ADGRL3: variants seen among roughly 807,000 people sequenced by gnomAD.
ADGRL3 encodes the protein adhesion G protein-coupled receptor L3.
Under a neutral mutation model 153.5 loss-of-function variants are expected in ADGRL3, and 62 were observed. The observed-to-expected ratio is 0.40, with a 90% CI of 0.33 to 0.50. The LOEUF is 0.50. Ranked by LOEUF, ADGRL3 falls within the 20% of genes least tolerant of loss-of-function variation. ADGRL3 has a pLI of 0.47. For synonymous variants in ADGRL3, 710 were observed against 672.5 expected, an observed-to-expected ratio of 1.06 and a Z score of -0.86; for missense variants, 1,641 against 1,859.4, an observed-to-expected ratio of 0.88 and a Z score of 2.16.
At chr4:61,601,462 G>A (rs1219537937) in intron 5 of ADGRL3, among the ~76,000 whole-genome samples, 2 of 152,132 alleles carry the variant, frequency 1.3e-5, no homozygotes, top group African/African-American at 4.8e-5. Context: ...TCTACTCAAT[G>A]AATTCAAACT....
chr4:61,983,703 T>G (rs1301126449), intron 19 of ADGRL3, 100 bp downstream of exon 19: 18 of 1,030,536 alleles, frequency 1.7e-5, no homozygotes, highest in African/African-American at 6.4e-5. Flanking sequence ...GTGAAGAAAC[T>G]GGGCAGCAAA....
At chr4:61,730,193 C>G (rs1388252818) in intron 6 of ADGRL3, among the ~76,000 whole-genome samples, 1 of 151,806 alleles carries the variant, frequency 6.6e-6, no homozygotes, top group Non-Finnish European at 1.5e-5. Flanking sequence ...GCATAGAAAG[C>G]ACAACTATTA....
chr4:61,584,949 TAAAC>T (rs1341083253), intron 4 of ADGRL3, among the ~76,000 whole-genome samples: 6 of 152,042 alleles, frequency 3.9e-5, no homozygotes, highest in African/African-American at 1.4e-4. Context: ...TTCTGAGTGA[TAAAC>T]AAAGAGTTTT....
chr4:61,447,251 C>A (rs1444040235), intron 2 of ADGRL3, among the ~76,000 whole-genome samples: 2 of 152,078 alleles, frequency 1.3e-5, no homozygotes, highest in Admixed American at 1.3e-4. Flanking sequence ...ATAGACATCC[C>A]TTTGTGTTAC....
At position 61,931,082 on chromosome 4, in the gene ADGRL3, A is replaced by C. The variant is rs180767738; in HGVS notation, c.2113-3758A>C. On this transcript the variant is annotated intron_variant, in intron 13 of 26. Coordinates refer to ENST00000683033, the MANE Select transcript of ADGRL3 (RefSeq NM_001387552.1). ...CTTCAGAAAGTTTAAATCATTTATG[A>C]TTATAAAGCTTCTAAGATGGACTTA... Among the ~76,000 whole-genome samples the C allele has an allele frequency of 2.7e-3, 404 of 152,272 alleles. 2 individuals are homozygous for C. The highest frequency in any genetic ancestry group is 0.013 in the South Asian group (65 of 4,830).
At chr4:61,793,781 C>CT (rs1234340738) in intron 8 of ADGRL3, among the ~76,000 whole-genome samples, 3 of 152,164 alleles carry the variant, frequency 2.0e-5, no homozygotes, top group East Asian at 3.9e-4. Context: ...ATCCCTATTG[C>CT]TTTTTTTATA....
chr4:62,042,113 G>A (rs921767825), intron 24 of ADGRL3, among the ~76,000 whole-genome samples: 3 of 151,864 alleles, frequency 2.0e-5, no homozygotes, highest in Non-Finnish European at 2.9e-5. Context: ...GCACACACAT[G>A]CACATATATA....
At chr4:61,459,641 T>C (rs1380109827) in intron 2 of ADGRL3, among the ~76,000 whole-genome samples, 3 of 152,170 alleles carry the variant, frequency 2.0e-5, no homozygotes, top group African/African-American at 7.2e-5. Flanking sequence ...TACTGTTTTC[T>C]ATAATGACTG....
At position 62,076,107 on chromosome 4, in the gene ADGRL3, G is replaced by A. The variant is rs1747040988; in HGVS notation, c.*5199G>A. On this transcript the variant is annotated 3_prime_UTR_variant, in exon 27 of 27. Transcript: ENST00000683033. ...ACTTTGTGATTTCTGCAATAAAACA[G>A]GTAGTTAATATAGTTTCGCATAATC... The A allele has an allele frequency of 6.6e-6, 1 of 152,022 alleles. No homozygotes were observed. The highest frequency in any genetic ancestry group is 1.5e-5 in the Non-Finnish European group (1 of 67,988). The allele number at this position is 152,022 out of a possible 1,614,324, so 9.4% of individuals were successfully genotyped here.
intron 9 of ADGRL3, among the ~76,000 whole-genome samples, chr4:61,821,910 T>G (rs2097759487): frequency 6.6e-6 from 1 of 152,138 alleles, no homozygotes; most frequent in African/African-American, 2.4e-5. Flanking sequence ...AGCCAAAGAT[T>G]TACTATTACA....
At chr4:61,697,941 A>G (rs2095670923) in intron 6 of ADGRL3, among the ~76,000 whole-genome samples, 1 of 152,120 alleles carries the variant, frequency 6.6e-6, no homozygotes, top group Non-Finnish European at 1.5e-5. Flanking sequence ...ATCTTCCTCT[A>G]TACCATTAAC....
At chr4:61,922,769 G>A (rs1039837700) in intron 13 of ADGRL3, among the ~76,000 whole-genome samples, 2 of 152,116 alleles carry the variant, frequency 1.3e-5, no homozygotes, top group Admixed American at 6.5e-5. Context: ...AGGGATTCAC[G>A]GGTGAACACA....
chr4:61,786,549 AGGCACCCT>A (rs2097278097), intron 8 of ADGRL3, among the ~76,000 whole-genome samples: 1 of 152,210 alleles, frequency 6.6e-6, no homozygotes, highest in African/African-American at 2.4e-5. Context: ...GTATTTGGCA[AGGCACCCT>A]TAGCTGCTAT....
At position 62,070,901 on chromosome 4, in the gene ADGRL3, G is replaced by A; in HGVS notation, c.4625G>A (p.Ser1542Asn). 6.5e-7 allele frequency: 1 copy of A among 1,542,410 alleles called. No homozygotes were observed. Among genetic ancestry groups the A allele is most frequent in the Non-Finnish European group, 8.8e-7 (1 of 1,142,198 alleles). ...SSKGPAHLVTSL is the reference protein window; with the variant it reads ...SSKGPAHLVTNL ...AAAGGACCGGCTCATTTGGTCACTA[G>A]TCTATAGAAGATGACACAGAAATTG... is the stretch of plus-strand genomic sequence containing the variant. Residue 1542 changes from serine (S) to asparagine (N), a missense_variant, in exon 27 of 27, where the codon AGT becomes AAT. Ser to Asn is a conservative substitution (Grantham distance 46). Transcript: ENST00000683033.
chr4:61,659,532 C>T (rs1379266726), intron 5 of ADGRL3, among the ~76,000 whole-genome samples: 1 of 152,040 alleles, frequency 6.6e-6, no homozygotes, highest in East Asian at 1.9e-4. Flanking sequence ...AAAAACAGGT[C>T]TTATGATACA....
Position 61,607,593 on chromosome 4 carries a change from CCAAA to C in ADGRL3, c.473+20174_473+20177del, listed in dbSNP as rs553600772. On this transcript the variant is annotated intron_variant, in intron 5 of 26. Coordinates refer to ENST00000683033, the MANE Select transcript of ADGRL3 (RefSeq NM_001387552.1). ...CCAGCCTGGGTGACAGAGGTTCCAC[CCAAA>C]CAAACAAACAAACAAACAAAATCTT... 4.3e-4 allele frequency among the ~76,000 whole-genome samples: 66 copies of C among 152,044 alleles called. 1 individual carries two copies. The highest frequency in any genetic ancestry group is 1.8e-3 in the Admixed American group (28 of 15,262).
At chr4:61,883,838 C>G (rs1190694067) in intron 9 of ADGRL3, among the ~76,000 whole-genome samples, 2 of 151,976 alleles carry the variant, frequency 1.3e-5, no homozygotes, top group African/African-American at 2.4e-5. Context: ...ATTAACTCTT[C>G]TTGAGGGTAG....
intron 5 of ADGRL3, among the ~76,000 whole-genome samples, chr4:61,625,261 T>C (rs2092763500): frequency 1.3e-5 from 2 of 152,090 alleles, no homozygotes; most frequent in South Asian, 4.2e-4. Context: ...TATATGTTTG[T>C]GGGTGGGGTA....
intron 2 of ADGRL3, among the ~76,000 whole-genome samples, chr4:61,489,024 C>A (rs2098228323): frequency 6.6e-6 from 1 of 151,962 alleles, no homozygotes; most frequent in Non-Finnish European, 1.5e-5. Flanking sequence ...TATGACCCCA[C>A]TTTTAAATAT....
Sources: gnomAD v4.1 joint callset for allele counts (sites outside exome capture counted in the v4.1 genomes callset) on GRCh38, gnomAD v4.1.1 for gene constraint, MANE v1.5 for transcripts, NCBI Gene and HGNC (gene_info 2026-07-23, HGNC 2026-07-21) for gene names.